Variants in R3HDM1 observed in about 807,000 individuals in gnomAD.
R3HDM1 encodes the protein R3H domain-containing protein 1.
R3HDM1 carries 46 observed loss-of-function variants against 141.1 expected under a neutral mutation model. That is an observed-to-expected ratio of 0.33 (90% confidence interval 0.26 to 0.42). The LOEUF (loss-of-function observed/expected upper bound fraction) is 0.42. R3HDM1 is among the 10% of genes least tolerant of loss of function. The pLI is 1.00. For missense variants in R3HDM1, 1,184 were observed against 1,368.3 expected (o/e 0.87, Z 2.12); for synonymous variants, 435 against 472.9 (o/e 0.92, Z 1.04).
intron 23 of R3HDM1, among the ~76,000 whole-genome samples, chr2:135,713,957 TCTTAC>T (rs1331092877): frequency 2.0e-5 from 3 of 152,154 alleles, no homozygotes; most frequent in African/African-American, 7.2e-5. Flanking sequence ...AATGAAACTG[TCTTAC>T]CTTAGTGTAA....
rs2063206438 is a variant in R3HDM1, at chr2:135,635,987, G to A, written c.796G>A (p.Asp266Asn). ...LKRDNSSFDK[D>N]DNQMRIRLKD... ...GAGAGATAACTCTAGCTTTGACAAA[G>A]ATGATAACCAGGTAATCTAGAACAA... Residue 266 changes from aspartate (D) to asparagine (N), a missense_variant, in exon 10 of 27, where the codon GAT (aspartate) becomes AAT (asparagine). Physicochemically the swap from Asp to Asn is conservative, Grantham distance 23. Coordinates refer to ENST00000683871, the MANE Select transcript of R3HDM1 (RefSeq NM_001378107.1). The A allele has an allele frequency of 1.2e-6, 2 of 1,611,240 alleles. No homozygotes were observed. Among genetic ancestry groups the A allele is most frequent in the Non-Finnish European group, 1.7e-6 (2 of 1,179,028 alleles).
intron 17 of R3HDM1, chr2:135,650,632 A>G: frequency 1.0e-6 from 1 of 982,004 alleles, no homozygotes. Context: ...ATTACAGTTC[A>G]TAGGTACATT....
chr2:135,679,355 T>C (rs1214490757), intron 20 of R3HDM1, among the ~76,000 whole-genome samples: 1 of 152,282 alleles, frequency 6.6e-6, no homozygotes, highest in East Asian at 1.9e-4. Flanking sequence ...TATCTCATAA[T>C]GGAAATAATA....
intron 23 of R3HDM1, among the ~76,000 whole-genome samples, chr2:135,711,887 A>G (rs912293496): frequency 4.8e-5 from 7 of 145,170 alleles, no homozygotes; most frequent in African/African-American, 1.8e-4. Flanking sequence ...TGAACCCAGG[A>G]GGCAGAGGTT....
intron 19 of R3HDM1, among the ~76,000 whole-genome samples, chr2:135,671,519 G>A (rs547248625): frequency 4.0e-5 from 6 of 151,826 alleles, no homozygotes; most frequent in South Asian, 2.1e-4. Context: ...ACAGGTATGC[G>A]CCACCACGCC....
chr2:135,703,163 T>C (rs1045360313), intron 21 of R3HDM1, among the ~76,000 whole-genome samples: 4 of 152,222 alleles, frequency 2.6e-5, no homozygotes, highest in African/African-American at 9.6e-5. Flanking sequence ...GTAGACTCTT[T>C]TTTAGGTTTC....
chr2:135,578,145 A>G (rs1231634148), intron 1 of R3HDM1, among the ~76,000 whole-genome samples: 1 of 152,220 alleles, frequency 6.6e-6, no homozygotes, highest in Non-Finnish European at 1.5e-5. Context: ...GAGAATGATG[A>G]ATAGATGATG....
rs2063220734 is a variant in R3HDM1 at position 135,636,107 on chromosome 2, A to G, written c.827A>G (p.Asp276Gly). 9 of 1,612,892 alleles carry G rather than the reference A, an allele frequency of 5.6e-6. No homozygotes were observed. The highest frequency in any genetic ancestry group is 6.8e-6 in the Non-Finnish European group (8 of 1,179,480). The change falls in exon 11 of 27, where the codon GAT becomes GGT. Residue 276 changes from aspartate to glycine, a missense_variant. Physicochemically the swap from Asp to Gly is moderately conservative, Grantham distance 94 (BLOSUM62 -1). Transcript: ENST00000683871. Reference protein sequence around the residue: ...DDNQMRIRLKDDRRSKSIEER... With the variant: ...DDNQMRIRLKGDRRSKSIEER... Reference sequence around the variant, plus strand: ...CTGTAGATGAGAATACGTTTGAAAGATGACAGAAGAAGCAAATCTATAGAA... The same window carrying G: ...CTGTAGATGAGAATACGTTTGAAAGGTGACAGAAGAAGCAAATCTATAGAA...
At chr2:135,605,218 A>G (rs186160581) in intron 3 of R3HDM1, 82 of 369,308 alleles carry the variant, frequency 2.2e-4, no homozygotes, top group African/African-American at 1.6e-3. Flanking sequence ...ACTTCTTTTT[A>G]TTTGTATGTG....
intron 6 of R3HDM1, chr2:135,621,996 T>G: frequency 4.1e-6 from 4 of 983,314 alleles, no homozygotes; most frequent in Non-Finnish European, 4.8e-6. Context: ...GGAAACAGAG[T>G]GTTTATTTTT....
At chr2:135,630,867 G>A (rs761492340) in intron 7 of R3HDM1, among the ~76,000 whole-genome samples, 1 of 152,038 alleles carries the variant, frequency 6.6e-6, no homozygotes, top group Non-Finnish European at 1.5e-5. Context: ...CTAGAGCCAT[G>A]TTATGGGTGT....
intron 3 of R3HDM1, chr2:135,607,353 A>G: frequency 1.0e-6 from 1 of 982,804 alleles, no homozygotes; most frequent in South Asian, 4.7e-5. Context: ...TTTTCCTATT[A>G]TGTACCAGAC....
At chr2:135,538,110 A>T (rs1043493254) in intron 1 of R3HDM1, among the ~76,000 whole-genome samples, 23 of 152,342 alleles carry the variant, frequency 1.5e-4, no homozygotes, top group African/African-American at 5.5e-4. Context: ...ATAGCCTTAT[A>T]GATATCTAAG....
At chr2:135,636,994 G>A (rs2063327009) in intron 11 of R3HDM1, among the ~76,000 whole-genome samples, 1 of 152,074 alleles carries the variant, frequency 6.6e-6, no homozygotes. Context: ...TACAGATAAG[G>A]AACCTGAGAT....
rs776141693 is a variant in R3HDM1 at position 135,724,034 on chromosome 2, G to A, written c.3147G>A (p.Lys1049=). Residue 1049 remains lysine, a synonymous_variant, in exon 27 of 27, where the codon AAG becomes AAA. Transcript: ENST00000683871. The stretch of plus-strand genomic sequence containing the variant: ...GGGAACTCTTTAAAATTGGCGCCAA[G>A]ATCCGGTGGCTCCGGGACCCCCAGT... ...LFGELFKIGA[K]IRWLRDPQSQ... is the part of the protein sequence containing the mutation. The A allele has an allele frequency of 5.3e-5, 85 of 1,613,950 alleles. No individual in the cohort carries two copies. The highest frequency in any genetic ancestry group is 6.9e-5 in the Non-Finnish European group (81 of 1,180,012).
intron 3 of R3HDM1, chr2:135,607,829 C>A (rs1212175913): frequency 1.0e-6 from 1 of 980,502 alleles, no homozygotes; most frequent in Non-Finnish European, 1.2e-6. Flanking sequence ...TTACCCAAAC[C>A]ATTTATTGAA....
chr2:135,702,651 A>G (rs75356072), intron 21 of R3HDM1, among the ~76,000 whole-genome samples: 1 of 134,384 alleles, frequency 7.4e-6, no homozygotes, highest in Non-Finnish European at 1.5e-5. Context: ...CTCCGTCTCA[A>G]AAAAAAAAAA....
chr2:135,538,643 C>T (rs1696764491), intron 1 of R3HDM1, among the ~76,000 whole-genome samples: 1 of 152,224 alleles, frequency 6.6e-6, no homozygotes, highest in South Asian at 2.1e-4. Context: ...GTTTTGCTCT[C>T]GTCACCATCA....
intron 21 of R3HDM1, among the ~76,000 whole-genome samples, chr2:135,683,373 T>C (rs1420592044): frequency 6.6e-6 from 1 of 151,736 alleles, no homozygotes; most frequent in Non-Finnish European, 1.5e-5. Context: ...AGCCAACATG[T>C]TGAAACCCTG....
Sources: gnomAD v4.1 joint callset for allele counts (sites outside exome capture counted in the v4.1 genomes callset) on GRCh38, gnomAD v4.1.1 for gene constraint, MANE v1.5 for transcripts, NCBI Gene and HGNC (gene_info 2026-07-23, HGNC 2026-07-21) for gene names.